Variants in TBC1D14 observed in about 807,000 individuals in gnomAD.
TBC1D14 encodes the protein TBC1 domain family member 14.
A neutral mutation model predicts 79.0 loss-of-function variants in TBC1D14; 26 were observed. The observed-to-expected ratio is 0.33, with a 90% confidence interval of 0.24 to 0.46. The LOEUF (loss-of-function observed/expected upper bound fraction) is 0.46. TBC1D14 is among the 20% of genes least tolerant of loss of function. The pLI is 1.00. For synonymous variants in TBC1D14, 394 were observed against 349.9 expected (o/e 1.13, Z -1.40); for missense variants, 769 against 887.6 (o/e 0.87, Z 1.70).
intron 2 of TBC1D14, among the ~76,000 whole-genome samples, chr4:6,934,663 AAC>A (rs1300430552): frequency 5.9e-5 from 9 of 151,482 alleles, no homozygotes; most frequent in Admixed American, 6.6e-5. Flanking sequence ...GTCTCAAAAA[AAC>A]AAAAAAGGAA....
At chr4:6,919,808 A>AG (rs1358444565) in intron 1 of TBC1D14, among the ~76,000 whole-genome samples, 2 of 151,010 alleles carry the variant, frequency 1.3e-5, no homozygotes, top group African/African-American at 4.9e-5. Context: ...TTTAGTAGAG[A>AG]GGGGGTTTCA....
chr4:6,931,210 C>T (rs776960595), intron 2 of TBC1D14, among the ~76,000 whole-genome samples: 4 of 152,194 alleles, frequency 2.6e-5, no homozygotes, highest in East Asian at 3.9e-4. Flanking sequence ...CACTCTGGGT[C>T]GTCTGACACT....
At chr4:6,982,316 C>T (rs758986591) in intron 3 of TBC1D14, among the ~76,000 whole-genome samples, 8 of 152,156 alleles carry the variant, frequency 5.3e-5, no homozygotes, top group Non-Finnish European at 5.9e-5. Context: ...GGGTGAACCT[C>T]GGGCATTATC....
chr4:7,012,304 A>C (rs867155777), intron 11 of TBC1D14, among the ~76,000 whole-genome samples: 1,763 of 48,120 alleles, frequency 0.037, 12 homozygotes, highest in Middle Eastern at 0.079. Flanking sequence ...CCCATCTCAA[A>C]AAAAAAAAAA....
At chr4:7,029,893 G>A (rs150672795) in intron 13 of TBC1D14, among the ~76,000 whole-genome samples, 1 of 152,354 alleles carries the variant, frequency 6.6e-6, no homozygotes, top group African/African-American at 2.4e-5. Flanking sequence ...CTCTGGGTGA[G>A]CTCAGGAAGG....
In TBC1D14 at chr4:7,032,164, G is replaced by A. The variant is rs1300975538; in HGVS notation, c.*1772G>A. 6.6e-6 allele frequency: 1 copy of A among 152,610 alleles called. No homozygotes were observed. The highest frequency in any genetic ancestry group is 2.4e-5 in the African/African-American group (1 of 41,436). The allele number at this position is 152,610 out of a possible 1,614,324, so 9.5% of individuals were successfully genotyped here. A position where few individuals can be genotyped will look rare whatever the true frequency, so the allele number is the denominator to read the frequency against. ...GGAGGCGTCCTGTCTTCACGGGGGG[G>A]TCCCGGTGGCCTCCAGACGTAGCCA... On this transcript the variant is annotated 3_prime_UTR_variant, in exon 14 of 14. Coordinates refer to ENST00000409757, the MANE Select transcript of TBC1D14 (RefSeq NM_020773.3).
intron 12 of TBC1D14, among the ~76,000 whole-genome samples, chr4:7,014,982 A>G (rs967225891): frequency 1.3e-5 from 2 of 152,174 alleles, no homozygotes; most frequent in African/African-American, 4.8e-5. Context: ...GACCCAGCAC[A>G]GGGTTCAGAG....
chr4:6,910,973 C>G (rs1374518209), intron 1 of TBC1D14, among the ~76,000 whole-genome samples: 3 of 152,098 alleles, frequency 2.0e-5, no homozygotes, highest in Non-Finnish European at 4.4e-5. Context: ...TGTCTTGTCC[C>G]CAGTATTGTA....
At chr4:7,014,590 A>T (rs370445521) in intron 12 of TBC1D14, 33 bp downstream of exon 12, 1 of 1,444,854 alleles carries the variant, frequency 6.9e-7, no homozygotes, top group East Asian at 2.3e-5. Flanking sequence ...TTTTCAGAGC[A>T]TTTCTCAGCC....
At chr4:7,016,454 C>A (rs570392100) in intron 12 of TBC1D14, among the ~76,000 whole-genome samples, 2 of 152,170 alleles carry the variant, frequency 1.3e-5, no homozygotes, top group African/African-American at 4.8e-5. Context: ...CTGGGGCCCG[C>A]GGTGCTGGAG....
At chr4:6,958,720 C>T (rs1560282468) in intron 2 of TBC1D14, among the ~76,000 whole-genome samples, 1 of 152,180 alleles carries the variant, frequency 6.6e-6, no homozygotes, top group Non-Finnish European at 1.5e-5. Flanking sequence ...TAGGTGTGAG[C>T]CACTGGGCCT....
At chr4:6,984,432 G>C (rs572791541) in intron 3 of TBC1D14, among the ~76,000 whole-genome samples, 21 of 152,218 alleles carry the variant, frequency 1.4e-4, no homozygotes, top group African/African-American at 5.1e-4. Flanking sequence ...GCCAGCAACA[G>C]ACCCAAAAAA....
chr4:6,991,500 C>G, intron 3 of TBC1D14, among the ~76,000 whole-genome samples: 1 of 152,204 alleles, frequency 6.6e-6, no homozygotes, highest in Middle Eastern at 3.2e-3. Flanking sequence ...TTTTCTCCCC[C>G]TCAGACCTGA....
In TBC1D14 at chr4:6,923,699, G is replaced by A. The variant is rs371738551; in HGVS notation, c.310G>A (p.Ala104Thr). The change falls in exon 2 of 14, where the codon GCC (alanine) becomes ACC (threonine). Residue 104 changes from alanine (A) to threonine (T), a missense_variant. Physicochemically the swap from Ala to Thr is moderately conservative, Grantham distance 58. Coordinates refer to ENST00000409757, the MANE Select transcript of TBC1D14 (RefSeq NM_020773.3). ...CATCCCCGAGCGGGCCTTCCAGAGCGCCTGCGCGCTGCCATCCTGTGCGCC... is the reference window on the plus strand; with the variant it reads ...CATCCCCGAGCGGGCCTTCCAGAGCACCTGCGCGCTGCCATCCTGTGCGCC... Reference protein sequence around the residue: ...DLIPERAFQSACALPSCAPPA... With the variant: ...DLIPERAFQSTCALPSCAPPA... The A allele has an allele frequency of 3.8e-5, 62 of 1,613,668 alleles. No homozygotes were observed. The highest frequency in any genetic ancestry group is 4.7e-5 in the Non-Finnish European group (56 of 1,180,040).
At chr4:6,924,367 C>A (rs987955910) in intron 2 of TBC1D14, among the ~76,000 whole-genome samples, 4 of 152,136 alleles carry the variant, frequency 2.6e-5, no homozygotes, top group African/African-American at 9.7e-5. Context: ...CTGTGGCTGT[C>A]CCACAGGTGG....
intron 3 of TBC1D14, among the ~76,000 whole-genome samples, chr4:6,980,869 C>T (rs1005475408): frequency 1.3e-4 from 19 of 151,852 alleles, no homozygotes; most frequent in African/African-American, 4.6e-4. Flanking sequence ...GCGCCCGCCA[C>T]CACGCCCGGC....
At chr4:6,966,154 G>T (rs1715681288) in intron 2 of TBC1D14, among the ~76,000 whole-genome samples, 1 of 152,208 alleles carries the variant, frequency 6.6e-6, no homozygotes, top group Non-Finnish European at 1.5e-5. Flanking sequence ...TGAGTAAATT[G>T]TTCCAGATTG....
chr4:6,962,405 G>C (rs954798033), intron 2 of TBC1D14, among the ~76,000 whole-genome samples: 11 of 152,224 alleles, frequency 7.2e-5, no homozygotes, highest in Admixed American at 5.2e-4. Context: ...CTTGATGGTG[G>C]GGTTGCGGCA....
At position 7,030,476 on chromosome 4, in the gene TBC1D14, C is replaced by CCG. The variant is rs1722947932; in HGVS notation, c.*85_*86dup. 7.1e-7 allele frequency: 1 copy of CCG among 1,399,016 alleles called. No homozygotes were observed. Among genetic ancestry groups the CCG allele is most frequent in the Non-Finnish European group, 1.0e-6 (1 of 993,940 alleles). 86.7% of individuals were successfully genotyped at this position (1,399,016 alleles called of 1,614,324 possible). ...TTGTTTCAGACTGACACCCGGGCAG[C>CCG]CGAGAAGAACAGACGCTCTTTAAGT... On this transcript the variant is annotated 3_prime_UTR_variant, in exon 14 of 14. Coordinates refer to ENST00000409757, the MANE Select transcript of TBC1D14 (RefSeq NM_020773.3).
Sources: gnomAD v4.1 joint callset for allele counts (sites outside exome capture counted in the v4.1 genomes callset) on GRCh38, gnomAD v4.1.1 for gene constraint, MANE v1.5 for transcripts, NCBI Gene and HGNC (gene_info 2026-07-23, HGNC 2026-07-21) for gene names.